PTPRG: variants seen among roughly 807,000 people sequenced by gnomAD.
PTPRG encodes the protein receptor-type tyrosine-protein phosphatase gamma.
PTPRG carries 102 observed loss-of-function variants against 165.3 expected under a neutral mutation model. The observed-to-expected ratio is 0.62, with a 90% CI of 0.53 to 0.73. The LOEUF is 0.73. Ranked by LOEUF, PTPRG falls within the 30% of genes least tolerant of loss-of-function variation. The pLI is 0.00. For missense variants in PTPRG, 1,866 were observed against 1,861.4 expected (o/e 1.00, Z -0.05); for synonymous variants, 675 against 669.5 (o/e 1.01, Z -0.13).
rs1020476599 is a variant in PTPRG at position 62,254,426 on chromosome 3, G to A, written c.2468-698G>A. On this transcript the variant is annotated intron_variant, in intron 15 of 29. Coordinates refer to ENST00000474889, the MANE Select transcript of PTPRG (RefSeq NM_002841.4). This position sits in a 1 kb window ranked among gnomAD's most constrained non-coding sequence, Gnocchi z 4.6. Reference sequence around the variant, plus strand: ...CATACTTTGGGCTTATGAACTGAAAGTCTCCTTTTGAAGTGACAACACGAA... The same window carrying A: ...CATACTTTGGGCTTATGAACTGAAAATCTCCTTTTGAAGTGACAACACGAA... 6.6e-6 allele frequency among the ~76,000 whole-genome samples: 1 copy of A among 152,106 alleles called. No homozygotes were observed. The highest frequency in any genetic ancestry group is 2.4e-5 in the African/African-American group (1 of 41,434).
chr3:61,562,464 C>T, intron 1 of PTPRG, 92 bp downstream of exon 1: 6 of 1,255,626 alleles, frequency 4.8e-6, no homozygotes, highest in East Asian at 2.3e-5. Context: ...GGCGCCCGTC[C>T]GGGAGACCCT....
rs2036939955 is a variant in PTPRG at position 61,850,652 on chromosome 3, T to G, written c.190+101670T>G. Among the ~76,000 whole-genome samples, 4 of 152,352 alleles carry G rather than the reference T, an allele frequency of 2.6e-5. No homozygotes were observed. The South Asian group carries it at 8.3e-4, about 32-fold the overall frequency. ...TCACATTGTGGCTATTTTATAGTTATTTATTTGCTTCTCCTTTACTAGATG... is the reference window on the plus strand; with the variant it reads ...TCACATTGTGGCTATTTTATAGTTAGTTATTTGCTTCTCCTTTACTAGATG... On this transcript the variant is annotated intron_variant, in intron 2 of 29. Coordinates refer to ENST00000474889, the MANE Select transcript of PTPRG (RefSeq NM_002841.4).
At chr3:61,750,572 C>T (rs115406914) in intron 2 of PTPRG, 3 of 152,092 alleles carry the variant, frequency 2.0e-5, no homozygotes, top group Non-Finnish European at 4.4e-5. Flanking sequence ...AGTAGAAGGA[C>T]TAATGGTTCA....
intron 2 of PTPRG, among the ~76,000 whole-genome samples, chr3:61,940,613 C>G (rs1436815774): frequency 1.3e-5 from 2 of 151,766 alleles, no homozygotes; most frequent in African/African-American, 4.8e-5. Flanking sequence ...GGATTTTATT[C>G]TGGTTTTTAT....
At chr3:61,623,961 CA>C (rs1701536521) in intron 1 of PTPRG, among the ~76,000 whole-genome samples, 1 of 152,176 alleles carries the variant, frequency 6.6e-6, no homozygotes. Context: ...AAGGCATATC[CA>C]AAGTTCTGTT....
intron 1 of PTPRG, among the ~76,000 whole-genome samples, chr3:61,583,413 T>C (rs1041594686): frequency 6.6e-6 from 1 of 152,180 alleles, no homozygotes; most frequent in Non-Finnish European, 1.5e-5. Flanking sequence ...ATCTATAAGA[T>C]GGGATGATGA....
intron 2 of PTPRG, among the ~76,000 whole-genome samples, chr3:61,752,074 T>C (rs2033456670): frequency 6.6e-6 from 1 of 152,214 alleles, no homozygotes; most frequent in Admixed American, 6.5e-5. Context: ...TTTTTGAGAC[T>C]GTTATTATTA....
Position 61,989,717 on chromosome 3 carries a change from G to T in PTPRG, c.283G>T (p.Val95Phe), listed in dbSNP as rs141896316. ...TGACATTTTAGACCAGTATGCGCGTGTTGGGGAAGAATACCAGGAACTGCA... is the reference window on the plus strand; with the variant it reads ...TGACATTTTAGACCAGTATGCGCGTTTTGGGGAAGAATACCAGGAACTGCA... ...PIDILDQYAR[V>F]GEEYQELQLD... The change falls in exon 3 of 30, where the codon GTT becomes TTT. Residue 95 changes from valine to phenylalanine, a missense_variant. Val to Phe is a conservative substitution (Grantham distance 50). Coordinates refer to ENST00000474889, the MANE Select transcript of PTPRG (RefSeq NM_002841.4). The T allele has an allele frequency of 2.7e-4, 441 of 1,614,168 alleles. No individual in the cohort carries two copies. The highest frequency in any genetic ancestry group is 3.5e-4 in the Non-Finnish European group (418 of 1,180,020).
At chr3:61,609,274 C>T (rs947933449) in intron 1 of PTPRG, among the ~76,000 whole-genome samples, 1 of 152,138 alleles carries the variant, frequency 6.6e-6, no homozygotes, top group South Asian at 2.1e-4. Flanking sequence ...GTGCCTTTCT[C>T]ATTTTAATTT....
chr3:61,728,675 T>C (rs1036226641), intron 1 of PTPRG, among the ~76,000 whole-genome samples: 5 of 135,890 alleles, frequency 3.7e-5, no homozygotes, highest in African/African-American at 1.3e-4. Context: ...CTAAGAGCTA[T>C]GTATTTTTTT....
intron 1 of PTPRG, among the ~76,000 whole-genome samples, chr3:61,621,989 T>C (rs145460020): frequency 1.5e-4 from 23 of 152,338 alleles, no homozygotes; most frequent in African/African-American, 4.6e-4. Flanking sequence ...TTCTTGGAAG[T>C]CCTGAAAGTA....
chr3:61,985,532 G>A (rs528769825), intron 2 of PTPRG, among the ~76,000 whole-genome samples: 1 of 152,234 alleles, frequency 6.6e-6, no homozygotes, highest in South Asian at 2.1e-4. Flanking sequence ...CTACCCTTTG[G>A]TATCTGGGTA....
intron 5 of PTPRG, among the ~76,000 whole-genome samples, chr3:62,083,503 C>A (rs1228153850): frequency 6.6e-6 from 1 of 152,146 alleles, no homozygotes; most frequent in African/African-American, 2.4e-5. Flanking sequence ...CATGGTTTAT[C>A]TGGTGAAACA....
At chr3:61,832,589 A>C (rs955603575) in intron 2 of PTPRG, among the ~76,000 whole-genome samples, 1 of 152,138 alleles carries the variant, frequency 6.6e-6, no homozygotes, top group Admixed American at 6.5e-5. Context: ...CTCTTCCCCC[A>C]GTGGATCTTG....
intron 1 of PTPRG, among the ~76,000 whole-genome samples, chr3:61,621,654 A>G (rs1282130252): frequency 1.3e-5 from 2 of 152,114 alleles, no homozygotes; most frequent in Non-Finnish European, 2.9e-5. Flanking sequence ...TTTTCCAAAT[A>G]TATTTATCCT....
intron 3 of PTPRG, among the ~76,000 whole-genome samples, chr3:61,998,991 A>G (rs115279932): frequency 2.0e-5 from 3 of 152,152 alleles, no homozygotes; most frequent in Non-Finnish European, 2.9e-5. Context: ...TTTCTGATTC[A>G]TAGATGATAC....
chr3:62,061,981 T>G (rs1700829594), intron 4 of PTPRG, among the ~76,000 whole-genome samples: 1 of 151,648 alleles, frequency 6.6e-6, no homozygotes, highest in Non-Finnish European at 1.5e-5. Context: ...GGCTGGCTGT[T>G]GGAGAGTGGC....
chr3:62,227,246 G>A (rs1376976092), intron 13 of PTPRG, among the ~76,000 whole-genome samples: 1 of 152,172 alleles, frequency 6.6e-6, no homozygotes, highest in Non-Finnish European at 1.5e-5. Flanking sequence ...TCACCCATCT[G>A]CTCTAGCGGC....
rs184752961 is a variant in PTPRG, at chr3:62,042,325, C to G, written c.520-35838C>G. On this transcript the variant is annotated intron_variant, in intron 4 of 29. Transcript: ENST00000474889. ...CTTCACCAGTAGGATCCAAGTGACC[C>G]TGTGCCTTTGGAGTAAGTCCCTGGG... Among the ~76,000 whole-genome samples, 28 of 152,322 alleles carry G rather than the reference C, an allele frequency of 1.8e-4. No homozygotes were observed. The East Asian group carries it at 4.4e-3, about 24-fold the overall frequency.
Sources: gnomAD v4.1 joint callset for allele counts (sites outside exome capture counted in the v4.1 genomes callset) on GRCh38, gnomAD v4.1.1 for gene constraint, Gnocchi (gnomAD v3.1) non-coding constraint, MANE v1.5 for transcripts, NCBI Gene and HGNC (gene_info 2026-07-23, HGNC 2026-07-21) for gene names.